The following ASTN2 variants were observed in gnomAD, a reference collection of about 807,000 sequenced individuals.
ASTN2 encodes astrotactin-2.
In ASTN2, 54 loss-of-function variants were observed where a neutral mutation model predicts 139.8. The ratio of observed to expected loss-of-function variants is 0.39; its 90% confidence interval spans 0.31 to 0.48. The LOEUF (loss-of-function observed/expected upper bound fraction) is 0.48. Among genes scored for constraint, ASTN2 ranks in the 20% least tolerant of loss-of-function variants. The pLI is 0.95. For synonymous variants in ASTN2, 756 were observed against 719.5 expected (o/e 1.05, Z -0.81); for missense variants, 1,565 against 1,725.1 (o/e 0.91, Z 1.64).
At position 117,020,894 on chromosome 9, in the gene ASTN2, C is replaced by T. The variant is rs141629058; in HGVS notation, c.1424-12635G>A. ...GAATATTGCCATAGATGTTATCAAA[C>T]GGAAACAAAAGAGACAAACCCCACA... On this transcript the variant is annotated intron_variant, in intron 6 of 22. Coordinates refer to ENST00000313400, the MANE Select transcript of ASTN2 (RefSeq NM_001365068.1). Among the ~76,000 whole-genome samples, 91 of 151,980 alleles carry T rather than the reference C, an allele frequency of 6.0e-4. 1 individual carries two copies. The South Asian group carries it at 9.0e-3, about 15-fold the overall frequency.
chr9:116,518,245 G>C (rs1850729963), intron 19 of ASTN2, among the ~76,000 whole-genome samples: 1 of 152,176 alleles, frequency 6.6e-6, no homozygotes, highest in Non-Finnish European at 1.5e-5. Flanking sequence ...AGAATCTTCA[G>C]AGCTGTGAGG....
At chr9:116,641,823 A>G (rs1376128324) in intron 17 of ASTN2, among the ~76,000 whole-genome samples, 1 of 152,008 alleles carries the variant, frequency 6.6e-6, no homozygotes, top group Non-Finnish European at 1.5e-5. Flanking sequence ...GTGTTGAGTA[A>G]TATGTGGATT....
At chr9:117,263,956 C>G (rs1355292801) in intron 2 of ASTN2, among the ~76,000 whole-genome samples, 2 of 152,046 alleles carry the variant, frequency 1.3e-5, no homozygotes, top group Non-Finnish European at 2.9e-5. Flanking sequence ...CACTTCAGCC[C>G]TGGAGTTCGA....
chr9:116,622,613 T>C (rs947431006), intron 17 of ASTN2, among the ~76,000 whole-genome samples: 4 of 152,210 alleles, frequency 2.6e-5, no homozygotes, highest in Non-Finnish European at 4.4e-5. Flanking sequence ...CCAACCCAGA[T>C]TTCTGTGACT....
intron 19 of ASTN2, among the ~76,000 whole-genome samples, chr9:116,529,160 C>T (rs1851217763): frequency 6.6e-6 from 1 of 152,184 alleles, no homozygotes; most frequent in South Asian, 2.1e-4. Context: ...AAGCACTCAA[C>T]ATCAGCCTGT....
chr9:116,501,629 T>C (rs1229050292), intron 19 of ASTN2, among the ~76,000 whole-genome samples: 6 of 150,874 alleles, frequency 4.0e-5, no homozygotes, highest in Admixed American at 6.6e-5. Context: ...CAGCACCTGT[T>C]GTCATAGGTG....
intron 10 of ASTN2, among the ~76,000 whole-genome samples, chr9:116,905,852 G>GTTT (rs1164737372): frequency 2.1e-5 from 1 of 47,302 alleles, no homozygotes. Flanking sequence ...AGTGATCCCT[G>GTTT]TTTTTTTTTT....
In ASTN2 at chr9:116,439,194, A is replaced by ATTT. The variant is rs1016270368; in HGVS notation, c.3782+1412_3782+1414dup. On this transcript the variant is annotated intron_variant, in intron 22 of 22. Transcript: ENST00000313400. The stretch of plus-strand genomic sequence containing the variant: ...GATGTTGTGTTTTCTATTCAAATAC[A>ATTT]TTTTTTTTTTTTTTTTTTTTTTTTG... Among the ~76,000 whole-genome samples, 145 of 56,726 alleles carry ATTT rather than the reference A, an allele frequency of 2.6e-3. 2 individuals are homozygous for ATTT. Among genetic ancestry groups the ATTT allele is most frequent in the South Asian group, 3.0e-3 (3 of 1,006 alleles). The allele number at this position is 56,726 out of a possible 152,430, so 37.2% of individuals were successfully genotyped here.
chr9:116,728,858 T>C (rs2132120672), intron 15 of ASTN2, 134 bp downstream of exon 15: 2 of 717,940 alleles, frequency 2.8e-6, no homozygotes, highest in South Asian at 3.6e-5. Flanking sequence ...CTAGGACTCC[T>C]TGATGGCAGA....
At chr9:117,171,853 G>C (rs189141167) in intron 3 of ASTN2, among the ~76,000 whole-genome samples, 1 of 152,150 alleles carries the variant, frequency 6.6e-6, no homozygotes, top group Non-Finnish European at 1.5e-5. Context: ...ATAGCAGTGT[G>C]AAAATGAACT....
intron 19 of ASTN2, among the ~76,000 whole-genome samples, chr9:116,509,090 T>C (rs1015990682): frequency 1.3e-5 from 2 of 152,202 alleles, no homozygotes; most frequent in African/African-American, 4.8e-5. Context: ...ACATGTGCCA[T>C]GTTGGTGTGC....
At chr9:117,282,543 C>A (rs1369772222) in intron 2 of ASTN2, among the ~76,000 whole-genome samples, 2 of 152,188 alleles carry the variant, frequency 1.3e-5, no homozygotes, top group Non-Finnish European at 2.9e-5. Context: ...ATTGCTGTGG[C>A]AATTGCTTGC....
rs1373702219 is a variant in ASTN2 at position 116,651,540 on chromosome 9, A to G, written c.3060T>C (p.Asn1020=). The G allele has an allele frequency of 1.2e-6, 2 of 1,613,650 alleles. No individual in the cohort carries two copies. Among genetic ancestry groups the G allele is most frequent in the Non-Finnish European group, 1.7e-6 (2 of 1,179,652 alleles). ...CAGGGGAGCTCACCTCCTTTGTGCCATTGTCTTGGATGAGGGTATAAAGTG... is the reference window on the plus strand; with the variant it reads ...CAGGGGAGCTCACCTCCTTTGTGCCGTTGTCTTGGATGAGGGTATAAAGTG... The part of the protein sequence containing the change: ...VVPLYTLIQD[N]GTKEAFKSAL... Residue 1020 remains asparagine (N), a synonymous_variant, in exon 17 of 23, where the codon AAT becomes AAC. Coordinates refer to ENST00000313400, the MANE Select transcript of ASTN2 (RefSeq NM_001365068.1).
At chr9:116,508,326 A>AG (rs1359639309) in intron 19 of ASTN2, among the ~76,000 whole-genome samples, 1 of 152,214 alleles carries the variant, frequency 6.6e-6, no homozygotes, top group Non-Finnish European at 1.5e-5. Flanking sequence ...AGTGCATGGT[A>AG]GTGGCGTCAA....
chr9:116,804,408 C>G (rs574351838), intron 13 of ASTN2, among the ~76,000 whole-genome samples: 2 of 152,058 alleles, frequency 1.3e-5, no homozygotes, highest in Non-Finnish European at 2.9e-5. Flanking sequence ...CTTGGCTCTC[C>G]TACTTCCTAG....
At chr9:117,225,186 A>G (rs926607380) in intron 2 of ASTN2, among the ~76,000 whole-genome samples, 1 of 152,098 alleles carries the variant, frequency 6.6e-6, no homozygotes, top group Non-Finnish European at 1.5e-5. Flanking sequence ...TGCCTCTCTA[A>G]GGGCAGGTGA....
chr9:116,919,373 G>T (rs1235100826), intron 10 of ASTN2, among the ~76,000 whole-genome samples: 1 of 152,116 alleles, frequency 6.6e-6, no homozygotes, highest in Non-Finnish European at 1.5e-5. Flanking sequence ...ATGTAGAAGA[G>T]AAATGGAACC....
intron 16 of ASTN2, among the ~76,000 whole-genome samples, chr9:116,679,179 A>G (rs1355057531): frequency 1.3e-5 from 2 of 152,148 alleles, no homozygotes; most frequent in African/African-American, 4.8e-5. Flanking sequence ...TTATCATTTT[A>G]GCCAAATTGA....
chr9:117,345,039 G>A (rs769186260), intron 1 of ASTN2, among the ~76,000 whole-genome samples: 5 of 152,140 alleles, frequency 3.3e-5, no homozygotes, highest in East Asian at 3.9e-4. Context: ...GGAATCTAAG[G>A]AAGCCAGGGT....
Sources: allele counts gnomAD v4.1 joint callset (sites outside exome capture counted in the v4.1 genomes callset), GRCh38; gene constraint gnomAD v4.1.1; transcripts MANE v1.5; gene names NCBI Gene and HGNC (gene_info 2026-07-23, HGNC 2026-07-21).